The following EGFR variants were observed in gnomAD, a reference collection of about 807,000 sequenced individuals.
The protein encoded by EGFR is epidermal growth factor receptor, also known as avian erythroblastic leukemia viral (v-erb-b) oncogene homolog.
Under a neutral mutation model 143.0 loss-of-function variants are expected in EGFR, and 58 were observed. The observed-to-expected ratio is 0.41, with a 90% CI of 0.33 to 0.50. The LOEUF (loss-of-function observed/expected upper bound fraction) is 0.50. EGFR is among the 20% of genes least tolerant of loss of function. EGFR has a pLI of 0.39. For synonymous variants in EGFR, 613 were observed against 594.4 expected, an observed-to-expected ratio of 1.03 and a Z score of -0.45; for missense variants, 1,307 against 1,579.0, an observed-to-expected ratio of 0.83 and a Z score of 2.92.
chr7:55,143,409 T>A lies in EGFR; in HGVS notation c.345T>A (p.Asn115Lys), dbSNP rs773596817. ...QIIRGNMYYE[N>K]SYALAVLSNY... ...TCAGAGGAAATATGTACTACGAAAA[T>A]TCCTATGCCTTAGCAGTCTTATCTA... The change falls in exon 3 of 28, where the codon AAT (asparagine) becomes AAA (lysine). Residue 115 changes from asparagine (N) to lysine (K), a missense_variant. Transcript: ENST00000275493. 121 of 1,614,072 alleles carry A rather than the reference T, an allele frequency of 7.5e-5. No individual in the cohort carries two copies. Among genetic ancestry groups the A allele is most frequent in the Non-Finnish European group, 9.7e-5 (114 of 1,180,048 alleles).
intron 1 of EGFR, among the ~76,000 whole-genome samples, chr7:55,034,187 G>T (rs1787424701): frequency 6.6e-6 from 1 of 152,174 alleles, no homozygotes. Flanking sequence ...AGTGAGAAAA[G>T]AATGGATTTG....
intron 1 of EGFR, among the ~76,000 whole-genome samples, chr7:55,072,391 T>G (rs1168827855): frequency 2.0e-5 from 3 of 152,206 alleles, no homozygotes; most frequent in Non-Finnish European, 2.9e-5. Context: ...ACTTACCAGC[T>G]GTGGGACTTG....
At chr7:55,163,675 G>T (rs1785815663) in intron 13 of EGFR, 58 bp from the exon 14 acceptor site, 1 of 1,455,904 alleles carries the variant, frequency 6.9e-7, no homozygotes. Flanking sequence ...GAGGTGATTT[G>T]TGTTCCTGCA....
rs763830096 is a variant in EGFR at position 55,157,724 on chromosome 7, A to G, written c.1269A>G (p.Leu423=). Residue 423 remains leucine, a synonymous_variant, in exon 11 of 28, where the codon CTA becomes CTG. Coordinates refer to ENST00000275493, the MANE Select transcript of EGFR (RefSeq NM_005228.5). ...CGGACCTCCATGCCTTTGAGAACCT[A>G]GAAATCATACGCGGCAGGACCAAGC... ...NRTDLHAFEN[L]EIIRGRTKQH... is the part of the protein sequence containing the mutation. 3 of 1,614,258 alleles carry G rather than the reference A, an allele frequency of 1.9e-6. No individual in the cohort carries two copies. The highest frequency in any genetic ancestry group is 1.7e-6 in the Non-Finnish European group (2 of 1,180,042).
At chr7:55,100,683 A>C (rs1029908347) in intron 1 of EGFR, among the ~76,000 whole-genome samples, 1 of 152,096 alleles carries the variant, frequency 6.6e-6, no homozygotes, top group Admixed American at 6.5e-5. Context: ...TGTCATCTCC[A>C]CACGCCGTCC....
intron 1 of EGFR, among the ~76,000 whole-genome samples, chr7:55,129,631 G>A (rs528948286): frequency 2.8e-4 from 42 of 152,192 alleles, no homozygotes; most frequent in Non-Finnish European, 5.3e-4. Flanking sequence ...CCAGCACGGA[G>A]CTGCAACACT....
Position 55,151,468 on chromosome 7 carries a change from T to A in EGFR, c.628+106T>A, listed in dbSNP as rs959793967. 2.3e-5 allele frequency: 27 copies of A among 1,151,006 alleles called. No individual in the cohort carries two copies. The Admixed American group carries it at 2.9e-4, about 12-fold the overall frequency. The allele number at this position is 1,151,006 out of a possible 1,614,324, so 71.3% of individuals were successfully genotyped here. A position where few individuals can be genotyped will look rare whatever the true frequency, so the allele number is the denominator to read the frequency against. On this transcript the variant is annotated intron_variant, in intron 5 of 27. Coordinates refer to ENST00000275493, the MANE Select transcript of EGFR (RefSeq NM_005228.5). ...CCTCTGAAGACTCCAAAGAGTTACTTTATTACAGGGTCAGATGTGAACCAG... is the reference window on the plus strand; with the variant it reads ...CCTCTGAAGACTCCAAAGAGTTACTATATTACAGGGTCAGATGTGAACCAG...
At chr7:55,141,869 T>G (rs991836127) in intron 1 of EGFR, among the ~76,000 whole-genome samples, 3 of 152,232 alleles carry the variant, frequency 2.0e-5, no homozygotes, top group East Asian at 1.9e-4. Context: ...GTGAAATTTA[T>G]TTTTTGCCTA....
Position 55,132,256 on chromosome 7 carries a change from C to G in EGFR, c.89-10030C>G, listed in dbSNP as rs866982637. Among the ~76,000 whole-genome samples the G allele has an allele frequency of 7.2e-5, 11 of 152,330 alleles. 2 individuals carry two copies. In the Middle Eastern group the frequency reaches 0.031, roughly 424 times the overall value. Reference sequence around the variant, plus strand: ...ACCCCACGGAAGCCAAACAAAATCTCTCTGCAGATAAACATTTGCAAAAAG... The same window carrying G: ...ACCCCACGGAAGCCAAACAAAATCTGTCTGCAGATAAACATTTGCAAAAAG... On this transcript the variant is annotated intron_variant, in intron 1 of 27. Coordinates refer to ENST00000275493, the MANE Select transcript of EGFR (RefSeq NM_005228.5).
At chr7:55,182,757 T>G (rs192440468) in intron 20 of EGFR, among the ~76,000 whole-genome samples, 1 of 152,284 alleles carries the variant, frequency 6.6e-6, no homozygotes, top group Admixed American at 6.5e-5. Flanking sequence ...GCGCTCATGC[T>G]TCTCTGAGCA....
chr7:55,021,251 C>G (rs565723000), intron 1 of EGFR, among the ~76,000 whole-genome samples: 79 of 152,302 alleles, frequency 5.2e-4, no homozygotes, highest in Admixed American at 1.4e-3. Flanking sequence ...GCCTGGGGTG[C>G]CCGGGAGACG....
At chr7:55,071,663 G>A (rs934735702) in intron 1 of EGFR, among the ~76,000 whole-genome samples, 3 of 152,174 alleles carry the variant, frequency 2.0e-5, no homozygotes, top group South Asian at 2.1e-4. Context: ...GTAGGCACAC[G>A]CACAGCTCCC....
chr7:55,175,052 T>C lies in EGFR; in HGVS notation c.2283+232T>C, dbSNP rs72547458. On this transcript the variant is annotated intron_variant, in intron 19 of 27. Coordinates refer to ENST00000275493, the MANE Select transcript of EGFR (RefSeq NM_005228.5). ...CAAAAGGCTGGAAACAGGCAATTACTGGCATCTACCCAGCACTAGTTTCTT... is the reference window on the plus strand; with the variant it reads ...CAAAAGGCTGGAAACAGGCAATTACCGGCATCTACCCAGCACTAGTTTCTT... Among the ~76,000 whole-genome samples, 660 of 152,344 alleles carry C rather than the reference T, an allele frequency of 4.3e-3. 5 individuals carry two copies. The highest frequency in any genetic ancestry group is 0.015 in the African/African-American group (644 of 41,578).
chr7:55,173,997 A>C lies in EGFR; in HGVS notation c.2138A>C (p.Lys713Thr), dbSNP rs373578289. 1.4e-5 allele frequency: 22 copies of C among 1,614,122 alleles called. No homozygotes were observed. The highest frequency in any genetic ancestry group is 1.9e-5 in the Non-Finnish European group (22 of 1,180,058). The stretch of plus-strand genomic sequence containing the variant: ...AGGATCTTGAAGGAAACTGAATTCA[A>C]AAAGATCAAAGTGCTGGGCTCCGGT... Reference protein sequence around the residue: ...LLRILKETEFKKIKVLGSGAF... With the variant: ...LLRILKETEFTKIKVLGSGAF... Residue 713 changes from lysine to threonine, a missense_variant, in exon 18 of 28, where the codon AAA becomes ACA. By Grantham distance (78) the Lys-to-Thr change is moderately conservative. This residue lies in a region of EGFR where 348 missense variants were observed against 451.5 expected (regional missense o/e 0.77). Coordinates refer to ENST00000275493, the MANE Select transcript of EGFR (RefSeq NM_005228.5).
chr7:55,140,253 C>T (rs1192099536), intron 1 of EGFR, among the ~76,000 whole-genome samples: 1 of 152,040 alleles, frequency 6.6e-6, no homozygotes, highest in Non-Finnish European at 1.5e-5. Flanking sequence ...AGCTGACGTC[C>T]TTGATTATTT....
rs185561151 is a variant in EGFR at position 55,094,995 on chromosome 7, A to G, written c.89-47291A>G. 4.4e-3 allele frequency among the ~76,000 whole-genome samples: 666 copies of G among 152,312 alleles called. 4 individuals are homozygous for G. The highest frequency in any genetic ancestry group is 7.7e-3 in the Non-Finnish European group (524 of 68,022). ...GGTGATCCCTGGCACCGGCAGCCTTATGTCAGGGCTCTCTTATCGCTGGTT... is the reference window on the plus strand; with the variant it reads ...GGTGATCCCTGGCACCGGCAGCCTTGTGTCAGGGCTCTCTTATCGCTGGTT... On this transcript the variant is annotated intron_variant, in intron 1 of 27. Coordinates refer to ENST00000275493, the MANE Select transcript of EGFR (RefSeq NM_005228.5).
intron 27 of EGFR, among the ~76,000 whole-genome samples, chr7:55,204,499 CCACA>C (rs61296141): frequency 5.0e-5 from 7 of 138,632 alleles, no homozygotes; most frequent in African/African-American, 1.9e-4. Flanking sequence ...CACAAAAACC[CCACA>C]CACACACAAA....
chr7:55,072,414 A>G (rs1193515179), intron 1 of EGFR, among the ~76,000 whole-genome samples: 1 of 152,178 alleles, frequency 6.6e-6, no homozygotes, highest in Admixed American at 6.5e-5. Flanking sequence ...TAAGCTCCTG[A>G]AGCAGCTGCA....
intron 1 of EGFR, among the ~76,000 whole-genome samples, chr7:55,094,593 A>C (rs1407260764): frequency 6.6e-6 from 1 of 152,248 alleles, no homozygotes; most frequent in East Asian, 1.9e-4. Flanking sequence ...TGAAAACAAG[A>C]AGAGGAATTT....
Sources: gnomAD v4.1 joint callset for allele counts (sites outside exome capture counted in the v4.1 genomes callset) on GRCh38, gnomAD v4.1.1 for gene constraint, gnomAD v4.1.1 regional missense constraint, MANE v1.5 for transcripts, NCBI Gene and HGNC (gene_info 2026-07-23, HGNC 2026-07-21) for gene names.